AKAP13: variants seen among roughly 807,000 people sequenced by gnomAD.
AKAP13 encodes the protein A-kinase anchoring protein 13.
AKAP13 carries 80 observed loss-of-function variants against 264.5 expected under a neutral mutation model. That is an observed-to-expected ratio of 0.30 (90% CI 0.25 to 0.36). The LOEUF is 0.36. Ranked by LOEUF, AKAP13 falls within the 10% of genes least tolerant of loss-of-function variation. The pLI is 1.00. For missense variants in AKAP13, 3,712 were observed against 3,435.2 expected, an observed-to-expected ratio of 1.08 and a Z score of -2.01; for synonymous variants, 1,380 against 1,250.2, an observed-to-expected ratio of 1.10 and a Z score of -2.19.
intron 2 of AKAP13, among the ~76,000 whole-genome samples, chr15:85,493,036 T>A (rs988557217): frequency 3.3e-5 from 5 of 152,234 alleles, no homozygotes; most frequent in African/African-American, 1.2e-4. Flanking sequence ...TGGATTTTCC[T>A]AAAATGGGGT....
intron 1 of AKAP13, among the ~76,000 whole-genome samples, chr15:85,414,974 C>A (rs1366705992): frequency 1.3e-5 from 2 of 152,152 alleles, no homozygotes; most frequent in Non-Finnish European, 1.5e-5. Flanking sequence ...AGTGTAACTT[C>A]AGAATGTGAG....
chr15:85,465,719 A>G (rs2074712492), intron 1 of AKAP13, among the ~76,000 whole-genome samples: 1 of 151,004 alleles, frequency 6.6e-6, no homozygotes. Flanking sequence ...TCTATGGTGT[A>G]TATGTGCCAC....
intron 1 of AKAP13, among the ~76,000 whole-genome samples, chr15:85,425,875 C>G (rs1259952066): frequency 6.6e-6 from 1 of 150,808 alleles, no homozygotes; most frequent in Non-Finnish European, 1.5e-5. Context: ...TAAAAATAGC[C>G]CAAAAGATAC....
intron 1 of AKAP13, among the ~76,000 whole-genome samples, chr15:85,467,099 C>T (rs565189037): frequency 6.8e-6 from 1 of 147,434 alleles, no homozygotes; most frequent in South Asian, 2.1e-4. Flanking sequence ...CACACACACA[C>T]ACGTATGTAA....
intron 2 of AKAP13, among the ~76,000 whole-genome samples, chr15:85,501,545 C>T (rs1024765622): frequency 6.6e-6 from 1 of 152,196 alleles, no homozygotes; most frequent in Non-Finnish European, 1.5e-5. Flanking sequence ...TGTGTTCAAA[C>T]GCTGATCTTA....
intron 8 of AKAP13, among the ~76,000 whole-genome samples, chr15:85,618,556 G>GT (rs1297635925): frequency 6.6e-6 from 1 of 151,622 alleles, no homozygotes; most frequent in East Asian, 1.9e-4. Context: ...CATGATCCAA[G>GT]TAAGAGAATG....
In AKAP13 at chr15:85,509,841, G is replaced by C. The variant is rs368110234; in HGVS notation, c.34-11587G>C. Among the ~76,000 whole-genome samples the C allele has an allele frequency of 2.0e-5, 3 of 152,196 alleles. No homozygotes were observed. The East Asian group carries it at 5.8e-4, about 29-fold the overall frequency. ...TATATCCAGTGTTTAGAAACTCTCA[G>C]GTCTGAGAGCTGAATGGTTTTGGAT... On this transcript the variant is annotated intron_variant, in intron 2 of 36. Coordinates refer to ENST00000394518, the MANE Select transcript of AKAP13 (RefSeq NM_007200.5).
chr15:85,498,727 G>T (rs952157607), intron 2 of AKAP13, among the ~76,000 whole-genome samples: 12 of 152,092 alleles, frequency 7.9e-5, no homozygotes, highest in Non-Finnish European at 1.2e-4. Context: ...GGTATGTGGG[G>T]TGACCTGGAA....
chr15:85,461,343 T>C (rs1448085297), intron 1 of AKAP13, among the ~76,000 whole-genome samples: 2 of 152,290 alleles, frequency 1.3e-5, no homozygotes, highest in East Asian at 3.9e-4. Flanking sequence ...CTCAAACTCC[T>C]GACTTCAGGT....
chr15:85,531,613 T>C (rs2077244244), intron 3 of AKAP13, among the ~76,000 whole-genome samples: 1 of 152,224 alleles, frequency 6.6e-6, no homozygotes, highest in Non-Finnish European at 1.5e-5. Flanking sequence ...CCCCTAATTC[T>C]CTTTCATATA....
At chr15:85,548,009 AT>A (rs1308795277) in intron 5 of AKAP13, among the ~76,000 whole-genome samples, 3 of 152,192 alleles carry the variant, frequency 2.0e-5, no homozygotes, top group African/African-American at 7.2e-5. Context: ...GGAAGTGACA[AT>A]ATCAGATGAG....
At chr15:85,562,298 C>T (rs2078409183) in intron 5 of AKAP13, among the ~76,000 whole-genome samples, 1 of 152,040 alleles carries the variant, frequency 6.6e-6, no homozygotes, top group Non-Finnish European at 1.5e-5. Context: ...GGCGTGGTGG[C>T]TCACACCTGT....
At chr15:85,628,776 C>G (rs2081553330) in intron 8 of AKAP13, among the ~76,000 whole-genome samples, 1 of 151,976 alleles carries the variant, frequency 6.6e-6, no homozygotes. Flanking sequence ...ATATTTTTGT[C>G]TAAATCAACA....
At chr15:85,382,716 C>T (rs990240562) in intron 1 of AKAP13, among the ~76,000 whole-genome samples, 3 of 152,202 alleles carry the variant, frequency 2.0e-5, no homozygotes, top group Non-Finnish European at 2.9e-5. Flanking sequence ...AAATGGACTC[C>T]TCCTCTAGTC....
intron 5 of AKAP13, among the ~76,000 whole-genome samples, chr15:85,563,306 C>T (rs2078473263): frequency 7.1e-6 from 1 of 140,806 alleles, no homozygotes; most frequent in Non-Finnish European, 1.5e-5. Context: ...CAATATTGTC[C>T]TTCATTTGAG....
chr15:85,626,345 C>G (rs949013886), intron 8 of AKAP13, among the ~76,000 whole-genome samples: 2 of 152,192 alleles, frequency 1.3e-5, no homozygotes, highest in African/African-American at 4.8e-5. Flanking sequence ...CACCAGCTGT[C>G]TCTCCAGAAC....
At chr15:85,603,439 T>C (rs2080180970) in intron 8 of AKAP13, among the ~76,000 whole-genome samples, 1 of 152,254 alleles carries the variant, frequency 6.6e-6, no homozygotes, top group Non-Finnish European at 1.5e-5. Context: ...AAAATAGTTT[T>C]GATCACACAG....
At chr15:85,485,800 G>T in intron 2 of AKAP13, 47 bp downstream of exon 2, 2 of 1,580,466 alleles carry the variant, frequency 1.3e-6, no homozygotes, top group Non-Finnish European at 1.7e-6. Context: ...TATCTGTTCT[G>T]CTTACTTGTT....
chr15:85,658,553 G>A lies in AKAP13; in HGVS notation c.4762G>A (p.Gly1588Arg). The change falls in exon 12 of 37, where the codon GGG becomes AGG. Residue 1588 changes from glycine to arginine, a missense_variant. This residue lies in a region of AKAP13 where 2,759 missense variants were observed against 2,411.7 expected (regional missense o/e 1.14). Transcript: ENST00000394518. The stretch of plus-strand genomic sequence containing the variant: ...CATTTTCAGTTCAATGCGAGTTCTT[G>A]GGGATGTTGTCAGGAGACCTCCCAT... ...MNHRSSMRVL[G>R]DVVRRPPIHR... The A allele has an allele frequency of 6.2e-7, 1 of 1,613,806 alleles. No homozygotes were observed. The highest frequency in any genetic ancestry group is 1.7e-4 in the Middle Eastern group (1 of 6,060).
Sources: allele counts gnomAD v4.1 joint callset (sites outside exome capture counted in the v4.1 genomes callset), GRCh38; gene constraint gnomAD v4.1.1; regional missense constraint gnomAD v4.1.1; transcripts MANE v1.5; gene names NCBI Gene and HGNC (gene_info 2026-07-23, HGNC 2026-07-21).